PRKCH: variants seen among roughly 807,000 people sequenced by gnomAD.
The protein encoded by PRKCH is protein kinase C eta type.
PRKCH carries 28 observed loss-of-function variants against 82.5 expected under a neutral mutation model. The observed-to-expected ratio is 0.34, with a 90% CI of 0.25 to 0.47. The LOEUF is 0.47. Among genes scored for constraint, PRKCH ranks in the 20% least tolerant of loss-of-function variants. The probability of loss-of-function intolerance (pLI) is 1.00; values close to 1 mark genes in which losing one functional copy is unlikely to be tolerated. For missense variants in PRKCH, 705 were observed against 881.8 expected, an observed-to-expected ratio of 0.80 and a Z score of 2.54; for synonymous variants, 322 against 327.4, an observed-to-expected ratio of 0.98 and a Z score of 0.18.
chr14:61,457,642 C>T lies in PRKCH; in HGVS notation c.1241C>T (p.Pro414Leu). 6.2e-7 allele frequency: 1 copy of T among 1,614,154 alleles called. No homozygotes were observed. Among genetic ancestry groups the T allele is most frequent in the Non-Finnish European group, 8.5e-7 (1 of 1,180,018 alleles). The change falls in exon 9 of 14, where the codon CCC (proline) becomes CTC (leucine). Residue 414 changes from proline to leucine, a missense_variant. Pro to Leu is a moderately conservative substitution (Grantham distance 98). This residue lies in a region of PRKCH where 238 missense variants were observed against 258.1 expected (regional missense o/e 0.92). Coordinates refer to ENST00000332981, the MANE Select transcript of PRKCH (RefSeq NM_006255.5). ...ATCCTGTCTCTGGCCCGCAATCACC[C>T]CTTCCTCACTCAGTTGTTCTGCTGC... ...KRILSLARNH[P>L]FLTQLFCCFQ...
rs1555375988 is a variant in PRKCH, at chr14:61,329,254, T to TTTTTTTTTTTTTTTTTG, written c.363+6790_363+6791insTTTTTTTTTTTTTTTTG. Among the ~76,000 whole-genome samples the TTTTTTTTTTTTTTTTTG allele has an allele frequency of 5.7e-5, 7 of 122,514 alleles. 1 individual carries two copies. Among genetic ancestry groups the TTTTTTTTTTTTTTTTTG allele is most frequent in the African/African-American group, 2.3e-4 (7 of 30,952 alleles). The allele number at this position is 122,514 out of a possible 152,430, so 80.4% of individuals were successfully genotyped here. A position where few individuals can be genotyped will look rare whatever the true frequency, so the allele number is the denominator to read the frequency against. On this transcript the variant is annotated intron_variant, in intron 1 of 13. Transcript: ENST00000332981. ...TGAGTCTTTTTTTTTTTTTTTTTTT[T>TTTTTTTTTTTTTTTTTG]GAGACAGAATCTCTCTCTGTTGCCC...
chr14:61,208,411 T>C (rs993548339), intron 1 of PRKCH, among the ~76,000 whole-genome samples: 6 of 152,342 alleles, frequency 3.9e-5, no homozygotes, highest in East Asian at 3.9e-4. Context: ...AATTGTTTAA[T>C]TTTGAAAGTG....
intron 1 of PRKCH, among the ~76,000 whole-genome samples, chr14:61,330,544 C>T (rs1344901853): frequency 6.6e-6 from 1 of 152,182 alleles, no homozygotes; most frequent in Non-Finnish European, 1.5e-5. Context: ...ATAAAATAAT[C>T]ATAGATGTTG....
At chr14:61,278,856 T>C (rs1291371432) in intron 1 of PRKCH, 1 of 152,162 alleles carries the variant, frequency 6.6e-6, no homozygotes, top group Non-Finnish European at 1.5e-5. Flanking sequence ...TATAAGACTA[T>C]ATATGCTTTA....
chr14:61,506,169 T>C (rs1887139285), intron 10 of PRKCH, among the ~76,000 whole-genome samples: 2 of 152,312 alleles, frequency 1.3e-5, no homozygotes, highest in East Asian at 1.9e-4. Flanking sequence ...GTTTTTCCAC[T>C]TCACTTTGGA....
intron 1 of PRKCH, among the ~76,000 whole-genome samples, chr14:61,243,469 A>G (rs7143511): frequency 0.018 from 2,714 of 152,106 alleles, 94 homozygotes; most frequent in African/African-American, 0.062. Context: ...TGGAGAGAAT[A>G]ACATGTGCAA....
At chr14:61,548,646 G>A (rs2043289449) in intron 13 of PRKCH, among the ~76,000 whole-genome samples, 1 of 152,004 alleles carries the variant, frequency 6.6e-6, no homozygotes, top group South Asian at 2.1e-4. Context: ...GATCACTTGA[G>A]GTCAGGAGTT....
Position 61,280,109 on chromosome 14 carries a change from C to A in PRKCH, c.-19+92441C>A, listed in dbSNP as rs1400181985. 1 of 1,611,246 alleles carries A rather than the reference C, an allele frequency of 6.2e-7. No homozygotes were observed. Among genetic ancestry groups the A allele is most frequent in the Non-Finnish European group, 8.5e-7 (1 of 1,178,680 alleles). ...AGCCGGAATCACTCCTCGTCGTCGT[C>A]GTCCTGGTCCTGGTAGCGAATGTAG... On this transcript the variant is annotated intron_variant, in intron 1 of 3. Transcript: ENST00000555185. The surrounding 1 kb of genome is among the most constrained non-coding windows in gnomAD (Gnocchi z 5.0).
intron 9 of PRKCH, among the ~76,000 whole-genome samples, chr14:61,482,129 G>A (rs887649169): frequency 1.5e-4 from 22 of 151,682 alleles, no homozygotes; most frequent in Admixed American, 1.2e-3. Context: ...CAAGTAGCTG[G>A]AATTAGAGGT....
At chr14:61,374,008 A>G (rs779321586) in intron 1 of PRKCH, among the ~76,000 whole-genome samples, 9 of 152,154 alleles carry the variant, frequency 5.9e-5, no homozygotes, top group Non-Finnish European at 7.3e-5. Flanking sequence ...TAAAATCAAA[A>G]ACAAGTTAGT....
intron 1 of PRKCH, among the ~76,000 whole-genome samples, chr14:61,334,642 T>A (rs1177468021): frequency 6.6e-6 from 1 of 152,126 alleles, no homozygotes; most frequent in African/African-American, 2.4e-5. Flanking sequence ...GTCGGCTTGG[T>A]GTCAGAAAGC....
chr14:61,352,689 G>GGAAGGAAAGAAAGAAA (rs1555378085), intron 1 of PRKCH, among the ~76,000 whole-genome samples: 1 of 126,456 alleles, frequency 7.9e-6, no homozygotes, highest in African/African-American at 3.1e-5. Flanking sequence ...AGAAAGGAAA[G>GGAAGGAAAGAAAGAAA]GAAAGAAAGA....
Position 61,450,828 on chromosome 14 carries a change from T to A in PRKCH, c.703-14T>A, listed in dbSNP as rs776544635. 3 of 1,611,294 alleles carry A rather than the reference T, an allele frequency of 1.9e-6. No homozygotes were observed. In the African/African-American group the frequency reaches 4.0e-5, roughly 22 times the overall value. Reference sequence around the variant, plus strand: ...GACATTTTAGCTCTTGTCCCTTTATTTCCTTTTTTACAGATTGCAGAACAG... The same window carrying A: ...GACATTTTAGCTCTTGTCCCTTTATATCCTTTTTTACAGATTGCAGAACAG... On this transcript the variant is annotated splice_polypyrimidine_tract_variant and intron_variant, in intron 5 of 13. Transcript: ENST00000332981.
intron 2 of PRKCH, among the ~76,000 whole-genome samples, chr14:61,426,221 C>T (rs1883100138): frequency 6.6e-6 from 1 of 152,228 alleles, no homozygotes; most frequent in Admixed American, 6.5e-5. Context: ...TTTCATTTGG[C>T]TTCTTCATGT....
chr14:61,484,764 C>CGTTTTT (rs1555392076), intron 9 of PRKCH, among the ~76,000 whole-genome samples: 3 of 121,204 alleles, frequency 2.5e-5, no homozygotes, highest in African/African-American at 9.7e-5. Flanking sequence ...ATTTGGCTTC[C>CGTTTTT]TTTTTTTTTT....
At chr14:61,427,800 G>A (rs1049430757) in intron 2 of PRKCH, among the ~76,000 whole-genome samples, 1 of 151,804 alleles carries the variant, frequency 6.6e-6, no homozygotes, top group Non-Finnish European at 1.5e-5. Context: ...TACCCAGGCC[G>A]GTCTCAAACT....
intron 1 of PRKCH, among the ~76,000 whole-genome samples, chr14:61,282,969 G>A (rs1054687586): frequency 7.9e-5 from 12 of 151,536 alleles, no homozygotes; most frequent in Admixed American, 2.6e-4. Flanking sequence ...CCACCCACCC[G>A]TTTCATTGAA....
chr14:61,322,410 G>T lies in PRKCH; in HGVS notation c.309G>T (p.Leu103=), dbSNP rs199967099. The T allele has an allele frequency of 4.9e-5, 79 of 1,605,920 alleles. No homozygotes were observed. The East Asian group carries it at 1.8e-3, about 36-fold the overall frequency. The part of the protein sequence containing the change: ...GYDHFVANCT[L]QFQELLRTTG... ...ACCACTTCGTGGCCAACTGCACCCT[G>T]CAGTTCCAGGAGCTGCTGCGCACGA... is the stretch of plus-strand genomic sequence containing the variant. Residue 103 remains leucine, a synonymous_variant, in exon 1 of 14, where the codon CTG becomes CTT. Coordinates refer to ENST00000332981, the MANE Select transcript of PRKCH (RefSeq NM_006255.5).
At chr14:61,232,610 C>T (rs558330881) in intron 1 of PRKCH, among the ~76,000 whole-genome samples, 1 of 152,254 alleles carries the variant, frequency 6.6e-6, no homozygotes, top group Admixed American at 6.5e-5. Flanking sequence ...AGCTTCTGTC[C>T]CCTTAGAGTT....
Sources: allele counts gnomAD v4.1 joint callset (sites outside exome capture counted in the v4.1 genomes callset), GRCh38; gene constraint gnomAD v4.1.1; regional missense constraint gnomAD v4.1.1; non-coding constraint Gnocchi (gnomAD v3.1); transcripts MANE v1.5; gene names NCBI Gene and HGNC (gene_info 2026-07-23, HGNC 2026-07-21).